Variants in ESF1 observed in about 807,000 individuals in gnomAD.
The protein encoded by ESF1 is ESF1 nucleolar pre-rRNA processing protein, also known as ESF1 homolog.
ESF1 carries 58 observed loss-of-function variants against 92.0 expected under a neutral mutation model. That is an observed-to-expected ratio of 0.63 (90% CI 0.51 to 0.78). The LOEUF (loss-of-function observed/expected upper bound fraction) is 0.78, where lower values mean the gene tolerates loss of function less well. ESF1 is among the 30% of genes least tolerant of loss of function. ESF1 has a pLI of 0.00. For synonymous variants in ESF1, 321 were observed against 313.7 expected (o/e 1.02, Z -0.24); for missense variants, 922 against 989.1 (o/e 0.93, Z 0.91).
intron 9 of ESF1, among the ~76,000 whole-genome samples, chr20:13,749,054 A>G (rs902725139): frequency 3.3e-5 from 5 of 151,704 alleles, no homozygotes; most frequent in African/African-American, 1.2e-4. Context: ...TCCTACAGAG[A>G]CAGACTTCCA....
At chr20:13,723,514 T>TTTTTTTTTTTTTTTTTTTTTTG (rs1555820834) in intron 11 of ESF1, among the ~76,000 whole-genome samples, 2 of 150,092 alleles carry the variant, frequency 1.3e-5, no homozygotes, top group Admixed American at 6.7e-5. Context: ...ATGATATTTT[T>TTTTTTTTTTTTTTTTTTTTTTG]AAAACTCTCA....
intron 8 of ESF1, among the ~76,000 whole-genome samples, chr20:13,764,479 G>T (rs141744945): frequency 2.0e-5 from 3 of 152,258 alleles, no homozygotes; most frequent in East Asian, 1.9e-4. Flanking sequence ...CAACATGGAG[G>T]TTAGAGGCAC....
At chr20:13,715,295 G>C (rs1036931302) in intron 13 of ESF1, 128 bp from the exon 14 acceptor site, 5 of 874,476 alleles carry the variant, frequency 5.7e-6, no homozygotes, top group Non-Finnish European at 8.0e-6. Flanking sequence ...CTGAGTGTTT[G>C]TACTGATTCA....
chr20:13,717,238 G>C, intron 13 of ESF1, 130 bp downstream of exon 13: 1 of 1,105,060 alleles, frequency 9.0e-7, no homozygotes, highest in Admixed American at 2.2e-5. Context: ...GGGATTATAG[G>C]CGTGAGCCAC....
chr20:13,775,831 A>C (rs375637533), intron 3 of ESF1, 42 bp downstream of exon 3: 2 of 1,550,030 alleles, frequency 1.3e-6, no homozygotes, highest in Non-Finnish European at 1.7e-6. Flanking sequence ...AGCTGCTTGT[A>C]CTGTGTTTTT....
chr20:13,728,405 A>G lies in ESF1; in HGVS notation c.2011T>C (p.Tyr671His). 6.2e-7 allele frequency: 1 copy of G among 1,613,162 alleles called. No homozygotes were observed. Among genetic ancestry groups the G allele is most frequent in the Admixed American group, 1.7e-5 (1 of 59,910 alleles). The part of the protein sequence containing the change: ...LPSDVDLNDP[Y>H]FAEEVKQIGI... ...ATTTGTTTAACTTCTTCAGCAAAGT[A>G]TGGGTCATTCAAATCAACATCAGAG... Residue 671 changes from tyrosine (Y) to histidine (H), a missense_variant, in exon 11 of 14, where the codon TAC becomes CAC. Transcript: ENST00000617257.
intron 8 of ESF1, among the ~76,000 whole-genome samples, chr20:13,760,197 C>T (rs986671278): frequency 6.6e-6 from 1 of 152,202 alleles, no homozygotes; most frequent in African/African-American, 2.4e-5. Context: ...AAGTGAGGAG[C>T]GTCTCTGCCT....
intron 9 of ESF1, among the ~76,000 whole-genome samples, chr20:13,739,039 C>T (rs1401415670): frequency 1.3e-5 from 2 of 152,142 alleles, no homozygotes; most frequent in African/African-American, 4.8e-5. Context: ...TATACAGAAA[C>T]ACAGTCATAA....
intron 11 of ESF1, among the ~76,000 whole-genome samples, chr20:13,724,134 A>C (rs1417828768): frequency 6.6e-6 from 1 of 152,110 alleles, no homozygotes; most frequent in African/African-American, 2.4e-5. Flanking sequence ...GTCTCTACTA[A>C]AAATACAAAA....
At chr20:13,766,653 C>T in intron 8 of ESF1, 124 bp downstream of exon 8, 1 of 818,940 alleles carries the variant, frequency 1.2e-6, no homozygotes, top group East Asian at 2.8e-5. Context: ...AAAAATCAAT[C>T]ACTATCTACA....
intron 11 of ESF1, among the ~76,000 whole-genome samples, chr20:13,727,719 A>G (rs1005389776): frequency 7.9e-5 from 12 of 152,180 alleles, no homozygotes; most frequent in African/African-American, 2.9e-4. Flanking sequence ...AGTGCATATG[A>G]GGTGGAAACA....
chr20:13,727,927 A>C (rs1600267818), intron 11 of ESF1, among the ~76,000 whole-genome samples: 1 of 152,374 alleles, frequency 6.6e-6, no homozygotes, highest in East Asian at 1.9e-4. Flanking sequence ...AAAAAATTAT[A>C]CACATATCAA....
At chr20:13,768,510 A>C (rs1979529451) in intron 7 of ESF1, among the ~76,000 whole-genome samples, 1 of 152,008 alleles carries the variant, frequency 6.6e-6, no homozygotes, top group African/African-American at 2.4e-5. Flanking sequence ...TGAACCTGGG[A>C]GGCAGAGGTT....
At chr20:13,728,738 A>G (rs1024888438) in intron 10 of ESF1, among the ~76,000 whole-genome samples, 8 of 151,842 alleles carry the variant, frequency 5.3e-5, no homozygotes, top group Admixed American at 2.0e-4. Flanking sequence ...ATGGTGGTGC[A>G]TGCCTGTAGT....
At chr20:13,720,337 C>T (rs746164724) in intron 11 of ESF1, among the ~76,000 whole-genome samples, 2 of 152,166 alleles carry the variant, frequency 1.3e-5, no homozygotes, top group South Asian at 2.1e-4. Flanking sequence ...GAAAATCCCC[C>T]GCTGGGCACT....
chr20:13,778,175 C>T (rs1980025860), intron 2 of ESF1, among the ~76,000 whole-genome samples: 1 of 152,122 alleles, frequency 6.6e-6, no homozygotes. Context: ...GAAAAGGCAT[C>T]TTGTTAGAAG....
At chr20:13,732,812 T>C (rs983846654) in intron 10 of ESF1, among the ~76,000 whole-genome samples, 3 of 152,208 alleles carry the variant, frequency 2.0e-5, no homozygotes, top group African/African-American at 4.8e-5. Flanking sequence ...TACTGAGGAC[T>C]CTGGAAAACT....
At chr20:13,759,941 G>A in intron 8 of ESF1, 88 bp from the exon 9 acceptor site, 1 of 1,457,886 alleles carries the variant, frequency 6.9e-7, no homozygotes, top group Non-Finnish European at 9.0e-7. Flanking sequence ...TTTAAAAGAT[G>A]CTGTTAGACC....
chr20:13,751,947 A>G lies in ESF1; in HGVS notation c.1828+7745T>C, dbSNP rs143020465. 2.3e-3 allele frequency among the ~76,000 whole-genome samples: 347 copies of G among 152,322 alleles called. 6 individuals carry two copies. The East Asian group carries it at 0.064, about 28-fold the overall frequency. ...GAGGCGGAGGTTGCAGTGAGCCAAG[A>G]TAGCACCACTGCACTCCAGCCCAGG... On this transcript the variant is annotated intron_variant, in intron 9 of 13. Transcript: ENST00000617257.
Sources: allele counts gnomAD v4.1 joint callset (sites outside exome capture counted in the v4.1 genomes callset), GRCh38; gene constraint gnomAD v4.1.1; transcripts MANE v1.5; gene names NCBI Gene and HGNC (gene_info 2026-07-23, HGNC 2026-07-21).